The following FAM3C variants were observed in gnomAD, a reference collection of about 807,000 sequenced individuals.
The protein encoded by FAM3C is protein FAM3C.
A neutral mutation model predicts 32.5 loss-of-function variants in FAM3C; 15 were observed. The observed-to-expected ratio is 0.46, with a 90% CI of 0.31 to 0.71. The LOEUF is 0.71. Among genes scored for constraint, FAM3C ranks in the 30% least tolerant of loss-of-function variants. FAM3C has a pLI of 0.05. For synonymous variants in FAM3C, 75 were observed against 86.1 expected (o/e 0.87, Z 0.72); for missense variants, 175 against 274.4 (o/e 0.64, Z 2.56).
At position 121,349,227 on chromosome 7, in the gene FAM3C, G is replaced by A. The variant is rs544155636; in HGVS notation, c.*1234C>T. ...TACAATGCATCTAAACTTTAGGTTC[G>A]AAATTTAAGTGCTGCCTTACACTGT... On this transcript the variant is annotated 3_prime_UTR_variant, in exon 10 of 10. Transcript: ENST00000359943. The A allele has an allele frequency of 1.3e-5, 2 of 152,472 alleles. No individual in the cohort carries two copies. The highest frequency in any genetic ancestry group is 2.1e-4 in the South Asian group (1 of 4,834). 9.4% of individuals were successfully genotyped at this position (152,472 alleles called of 1,614,324 possible).
intron 1 of FAM3C, among the ~76,000 whole-genome samples, chr7:121,393,734 CA>C (rs1794626412): frequency 6.6e-6 from 1 of 152,126 alleles, no homozygotes; most frequent in Non-Finnish European, 1.5e-5. Context: ...AAAGAAAGTA[CA>C]AAACCTTTTA....
intron 1 of FAM3C, among the ~76,000 whole-genome samples, chr7:121,389,879 C>T (rs1054209960): frequency 6.6e-6 from 1 of 152,010 alleles, no homozygotes; most frequent in Non-Finnish European, 1.5e-5. Flanking sequence ...GACTTCTGAA[C>T]TGAGCCAGCA....
chr7:121,373,744 C>T (rs964483660), intron 3 of FAM3C, among the ~76,000 whole-genome samples: 8 of 151,760 alleles, frequency 5.3e-5, no homozygotes, highest in Admixed American at 3.3e-4. Context: ...TATTTATGGC[C>T]GGGTGCAGTG....
At chr7:121,376,296 G>T (rs1201171580) in intron 3 of FAM3C, among the ~76,000 whole-genome samples, 1 of 152,218 alleles carries the variant, frequency 6.6e-6, no homozygotes, top group Non-Finnish European at 1.5e-5. Flanking sequence ...TGAAAGGGAG[G>T]ATTCTGTTAC....
At chr7:121,357,748 A>C (rs1309168474) in intron 8 of FAM3C, among the ~76,000 whole-genome samples, 1 of 152,158 alleles carries the variant, frequency 6.6e-6, no homozygotes, top group East Asian at 1.9e-4. Flanking sequence ...CTAGAGGTTG[A>C]ACTCTCTTCC....
chr7:121,361,193 C>A lies in FAM3C; in HGVS notation c.383-1066G>T, dbSNP rs537438340. The stretch of plus-strand genomic sequence containing the variant: ...TACATAGGTCAGATTCTAAAAACCA[C>A]TTGACATCTTGAACTCTTTACAATG... On this transcript the variant is annotated intron_variant, in intron 7 of 9. Coordinates refer to ENST00000359943, the MANE Select transcript of FAM3C (RefSeq NM_014888.3). 3.9e-5 allele frequency among the ~76,000 whole-genome samples: 6 copies of A among 152,314 alleles called. No individual in the cohort carries two copies. The East Asian group carries it at 1.2e-3, about 29-fold the overall frequency.
At chr7:121,382,669 G>GT (rs1243552865) in intron 2 of FAM3C, among the ~76,000 whole-genome samples, 1 of 148,204 alleles carries the variant, frequency 6.7e-6, no homozygotes, top group Non-Finnish European at 1.5e-5. Context: ...AGCATCATGT[G>GT]TTGCTGCTCA....
rs10272391 is a variant in FAM3C at position 121,373,807 on chromosome 7, G to A, written c.119-1668C>T. Among the ~76,000 whole-genome samples, 658 of 151,928 alleles carry A rather than the reference G, an allele frequency of 4.3e-3. 4 individuals are homozygous for A. Among genetic ancestry groups the A allele is most frequent in the African/African-American group, 0.015 (614 of 41,430 alleles). On this transcript the variant is annotated intron_variant, in intron 3 of 9. Coordinates refer to ENST00000359943, the MANE Select transcript of FAM3C (RefSeq NM_014888.3). ...AGAGGCTGAGGCGGGTGGATCATGAGGTCAGGAGATCGAGACCATCCTGGC... is the reference window on the plus strand; with the variant it reads ...AGAGGCTGAGGCGGGTGGATCATGAAGTCAGGAGATCGAGACCATCCTGGC...
At chr7:121,389,238 A>G (rs1794529657) in intron 1 of FAM3C, among the ~76,000 whole-genome samples, 1 of 152,182 alleles carries the variant, frequency 6.6e-6, no homozygotes, top group African/African-American at 2.4e-5. Flanking sequence ...TAAGAATTTC[A>G]TAGTACAACC....
chr7:121,371,557 A>C, intron 4 of FAM3C, 134 bp from the exon 5 acceptor site: 2 of 988,740 alleles, frequency 2.0e-6, no homozygotes, highest in Non-Finnish European at 2.9e-6. Context: ...ATACAAGCTA[A>C]TTTGTTCCCC....
chr7:121,368,972 GTTTTTT>G lies in FAM3C; in HGVS notation c.272+2322_272+2327del, dbSNP rs563834740. 5.1e-4 allele frequency among the ~76,000 whole-genome samples: 49 copies of G among 96,170 alleles called. 1 individual carries two copies. The East Asian group carries it at 0.011, about 21-fold the overall frequency. The allele number at this position is 96,170 out of a possible 152,430, so 63.1% of individuals were successfully genotyped here. On this transcript the variant is annotated intron_variant, in intron 5 of 9. Coordinates refer to ENST00000359943, the MANE Select transcript of FAM3C (RefSeq NM_014888.3). ...TTGTTCATTTTTTGTTGTTGTTGTT[GTTTTTT>G]TTTTTTTTTTTTTTTGAGACAAAGT...
intron 8 of FAM3C, among the ~76,000 whole-genome samples, chr7:121,358,591 C>A (rs909355113): frequency 2.0e-5 from 3 of 151,940 alleles, no homozygotes; most frequent in Non-Finnish European, 1.5e-5. Flanking sequence ...GTGAATGGAA[C>A]AGAACAGAAA....
chr7:121,386,606 TA>T (rs1310113969), intron 1 of FAM3C, among the ~76,000 whole-genome samples: 10 of 151,658 alleles, frequency 6.6e-5, no homozygotes, highest in African/African-American at 2.4e-4. Context: ...TACCTGTATA[TA>T]AATGAAGCTA....
chr7:121,381,847 G>C (rs1283652314), intron 2 of FAM3C, among the ~76,000 whole-genome samples: 1 of 152,070 alleles, frequency 6.6e-6, no homozygotes, highest in African/African-American at 2.4e-5. Flanking sequence ...TTCTACAAAA[G>C]CATTTGTAAC....
chr7:121,393,364 G>T (rs945108783), intron 1 of FAM3C, among the ~76,000 whole-genome samples: 1 of 152,122 alleles, frequency 6.6e-6, no homozygotes, highest in African/African-American at 2.4e-5. Context: ...AGGCTAAGGT[G>T]GAGTTCAAGG....
At chr7:121,361,317 C>T (rs1029633627) in intron 7 of FAM3C, among the ~76,000 whole-genome samples, 4 of 152,110 alleles carry the variant, frequency 2.6e-5, no homozygotes, top group Admixed American at 6.5e-5. Flanking sequence ...CAAAGATTTT[C>T]GATAACTGAT....
chr7:121,375,512 T>C (rs1794221849), intron 3 of FAM3C, among the ~76,000 whole-genome samples: 1 of 152,020 alleles, frequency 6.6e-6, no homozygotes. Flanking sequence ...TTTAAGAAAA[T>C]GGCTCTGAAA....
At chr7:121,388,235 A>ACACACAC (rs1794502253) in intron 1 of FAM3C, among the ~76,000 whole-genome samples, 1 of 147,822 alleles carries the variant, frequency 6.8e-6, no homozygotes, top group Non-Finnish European at 1.5e-5. Context: ...CCACCATTTT[A>ACACACAC]ACACACACAC....
chr7:121,369,374 T>C (rs1794096632), intron 5 of FAM3C, among the ~76,000 whole-genome samples: 1 of 152,198 alleles, frequency 6.6e-6, no homozygotes, highest in Non-Finnish European at 1.5e-5. Context: ...TGCTCAAAAA[T>C]ACTTGCTGAA....
Sources: gnomAD v4.1 joint callset for allele counts (sites outside exome capture counted in the v4.1 genomes callset) on GRCh38, gnomAD v4.1.1 for gene constraint, MANE v1.5 for transcripts, NCBI Gene and HGNC (gene_info 2026-07-23, HGNC 2026-07-21) for gene names.